NCAM2: variants seen among roughly 807,000 people sequenced by gnomAD.
The protein encoded by NCAM2 is neural cell adhesion molecule 2.
A neutral mutation model predicts 98.1 loss-of-function variants in NCAM2; 30 were observed. The ratio of observed to expected loss-of-function variants is 0.31; its 90% CI spans 0.23 to 0.41. NCAM2 has a LOEUF of 0.41. Among genes scored for constraint, NCAM2 ranks in the 10% least tolerant of loss-of-function variants. The pLI, the probability that NCAM2 is intolerant of heterozygous loss-of-function variation, is 1.00. For missense variants in NCAM2, 867 were observed against 1,005.8 expected (o/e 0.86, Z 1.87); for synonymous variants, 368 against 342.4 (o/e 1.07, Z -0.83).
intron 1 of NCAM2, among the ~76,000 whole-genome samples, chr21:21,135,268 C>G (rs2067025035): frequency 7.2e-6 from 1 of 138,866 alleles, no homozygotes; most frequent in Admixed American, 7.5e-5. Context: ...AAAAAAACTT[C>G]TGAACTCAAT....
chr21:21,477,461 C>A lies in NCAM2; in HGVS notation c.2067C>A (p.Asn689Lys), dbSNP rs1985314176. Reference sequence around the variant, plus strand: ...AATTCAGCATGCCACCAAAGCCCAACATTATTAAAGGTAAGCAAAACTATA... The same window carrying A: ...AATTCAGCATGCCACCAAAGCCCAAAATTATTAAAGGTAAGCAAAACTATA... ...VYEFSMPPKP[N>K]IIKDTLFNGL... is the part of the protein sequence containing the mutation. The change falls in exon 15 of 18, where the codon AAC becomes AAA. Residue 689 changes from asparagine (N) to lysine (K), a missense_variant. Physicochemically the swap from Asn to Lys is moderately conservative, Grantham distance 94. Around this residue, in one of 5 missense-constraint regions of NCAM2, gnomAD observed 234 missense variants for 333.8 expected, o/e 0.70. Coordinates refer to ENST00000400546, the MANE Select transcript of NCAM2 (RefSeq NM_004540.5). 6.3e-7 allele frequency: 1 copy of A among 1,596,506 alleles called. No homozygotes were observed.
intron 1 of NCAM2, among the ~76,000 whole-genome samples, chr21:21,190,354 AAGTAAGATCTT>A (rs1315921900): frequency 2.6e-5 from 4 of 152,202 alleles, no homozygotes; most frequent in African/African-American, 9.6e-5. Context: ...ATTACCAATC[AAGTAAGATCTT>A]AGTTGCTTTG....
At chr21:21,509,458 C>T (rs558838347) in intron 16 of NCAM2, among the ~76,000 whole-genome samples, 1 of 152,186 alleles carries the variant, frequency 6.6e-6, no homozygotes, top group East Asian at 1.9e-4. Context: ...GAGTTAAAAA[C>T]AACAAAATTG....
At chr21:21,244,801 C>A (rs577767251) in intron 1 of NCAM2, among the ~76,000 whole-genome samples, 18 of 143,504 alleles carry the variant, frequency 1.3e-4, no homozygotes, top group Non-Finnish European at 2.3e-4. Context: ...GAGCCGAGAT[C>A]GCGCCACTGC....
chr21:21,130,050 C>T (rs181611079), intron 1 of NCAM2, among the ~76,000 whole-genome samples: 2 of 152,180 alleles, frequency 1.3e-5, no homozygotes, highest in Admixed American at 1.3e-4. Flanking sequence ...GACCTCTCTT[C>T]TTACTCTAAA....
At chr21:21,522,448 T>C (rs1254219750) in intron 16 of NCAM2, among the ~76,000 whole-genome samples, 3 of 151,086 alleles carry the variant, frequency 2.0e-5, no homozygotes, top group Non-Finnish European at 4.4e-5. Context: ...TGAAGTATTT[T>C]TAGTGTTGAG....
intron 1 of NCAM2, among the ~76,000 whole-genome samples, chr21:21,025,511 TA>T (rs2064527285): frequency 6.6e-6 from 1 of 152,238 alleles, no homozygotes; most frequent in Admixed American, 6.5e-5. Flanking sequence ...TCTGTCATTT[TA>T]AATGTAGAAA....
chr21:21,385,569 G>C (rs765797642), intron 9 of NCAM2: 3 of 1,090,892 alleles, frequency 2.8e-6, no homozygotes, highest in Middle Eastern at 4.7e-4. Context: ...AGAAAATTAA[G>C]CCTTTTTTTG....
intron 12 of NCAM2, among the ~76,000 whole-genome samples, chr21:21,439,463 A>G (rs1250762683): frequency 6.6e-6 from 1 of 152,166 alleles, no homozygotes; most frequent in African/African-American, 2.4e-5. Flanking sequence ...TTTTATTTTA[A>G]TAGAAATCTG....
intron 1 of NCAM2, among the ~76,000 whole-genome samples, chr21:21,122,117 A>G (rs761831377): frequency 4.0e-5 from 6 of 151,842 alleles, no homozygotes; most frequent in Non-Finnish European, 8.8e-5. Flanking sequence ...GTTAGATATC[A>G]AAGGCAGCAA....
chr21:21,542,831 G>C lies in NCAM2; in HGVS notation c.*4874G>C, dbSNP rs1990285215. 1 of 151,858 alleles carries C rather than the reference G, an allele frequency of 6.6e-6. No individual in the cohort carries two copies. The highest frequency in any genetic ancestry group is 1.5e-5 in the Non-Finnish European group (1 of 67,856). The allele number at this position is 151,858 out of a possible 1,614,324, so 9.4% of individuals were successfully genotyped here. On this transcript the variant is annotated 3_prime_UTR_variant, in exon 18 of 18. Transcript: ENST00000400546. ...TGTAACACAGAGGAGAAAGTTAACA[G>C]AGATAGAATCTATGATTTAATTTTG...
chr21:21,102,863 C>CA (rs1295097875), intron 1 of NCAM2, among the ~76,000 whole-genome samples: 1 of 151,490 alleles, frequency 6.6e-6, no homozygotes. Context: ...GGTGTTAAGG[C>CA]AAAATGAAAA....
intron 12 of NCAM2, among the ~76,000 whole-genome samples, chr21:21,460,284 G>C (rs1410819508): frequency 6.6e-6 from 1 of 151,790 alleles, no homozygotes; most frequent in Admixed American, 6.6e-5. Flanking sequence ...ATAAAGCTAT[G>C]GGTCATACAA....
chr21:21,365,505 T>C (rs2075763578), intron 8 of NCAM2, among the ~76,000 whole-genome samples: 1 of 151,732 alleles, frequency 6.6e-6, no homozygotes, highest in Admixed American at 6.6e-5. Context: ...AGTTACAATG[T>C]CTGGCATAAA....
chr21:21,349,964 T>A (rs948093039), intron 8 of NCAM2, among the ~76,000 whole-genome samples: 1 of 152,020 alleles, frequency 6.6e-6, no homozygotes, highest in African/African-American at 2.4e-5. Flanking sequence ...GGTTAATTGG[T>A]AAAAGAAATA....
At chr21:21,526,660 A>T (rs992134897) in intron 16 of NCAM2, among the ~76,000 whole-genome samples, 6 of 152,252 alleles carry the variant, frequency 3.9e-5, no homozygotes, top group Admixed American at 2.6e-4. Flanking sequence ...AAAAAGACCC[A>T]CAATAACCAA....
chr21:21,053,323 T>A (rs1295000224), intron 1 of NCAM2, among the ~76,000 whole-genome samples: 1 of 152,024 alleles, frequency 6.6e-6, no homozygotes, highest in African/African-American at 2.4e-5. Flanking sequence ...AATATTTTCA[T>A]TGCATCCATC....
chr21:21,051,150 C>T lies in NCAM2; in HGVS notation c.55+52532C>T, dbSNP rs180882113. Among the ~76,000 whole-genome samples, 210 of 152,204 alleles carry T rather than the reference C, an allele frequency of 1.4e-3. 1 individual carries two copies. Among genetic ancestry groups the T allele is most frequent in the African/African-American group, 5.0e-3 (209 of 41,522 alleles). Reference sequence around the variant, plus strand: ...CTTTAGCTCTAGATGGTCCCATGTCCGAGGTAATATCCTTTTTATGGTTTT... The same window carrying T: ...CTTTAGCTCTAGATGGTCCCATGTCTGAGGTAATATCCTTTTTATGGTTTT... On this transcript the variant is annotated intron_variant, in intron 1 of 17. Coordinates refer to ENST00000400546, the MANE Select transcript of NCAM2 (RefSeq NM_004540.5).
intron 12 of NCAM2, among the ~76,000 whole-genome samples, chr21:21,436,267 A>G (rs774249572): frequency 4.6e-5 from 7 of 152,202 alleles, no homozygotes; most frequent in Admixed American, 2.6e-4. Flanking sequence ...ATGAGTCACT[A>G]TGTCCTTTAA....
Sources: allele counts gnomAD v4.1 joint callset (sites outside exome capture counted in the v4.1 genomes callset), GRCh38; gene constraint gnomAD v4.1.1; regional missense constraint gnomAD v4.1.1; transcripts MANE v1.5; gene names NCBI Gene and HGNC (gene_info 2026-07-23, HGNC 2026-07-21).